The following FRMD4B variants were observed in gnomAD, a reference collection of about 807,000 sequenced individuals.
FRMD4B encodes FERM domain-containing protein 4B.
A neutral mutation model predicts 141.5 loss-of-function variants in FRMD4B; 74 were observed. The ratio of observed to expected loss-of-function variants is 0.52; its 90% CI spans 0.43 to 0.63. FRMD4B has a LOEUF of 0.63. Among genes scored for constraint, FRMD4B ranks in the 30% least tolerant of loss-of-function variants. The pLI, the probability that FRMD4B is intolerant of heterozygous loss-of-function variation, is 0.00. For missense variants in FRMD4B, 1,366 were observed against 1,253.4 expected (o/e 1.09, Z -1.36); for synonymous variants, 506 against 467.9 (o/e 1.08, Z -1.05).
intron 16 of FRMD4B, 21 bp downstream of exon 16, chr3:69,195,001 G>C (rs765057581): frequency 3.1e-6 from 5 of 1,606,650 alleles, no homozygotes; most frequent in Middle Eastern, 1.7e-4. Flanking sequence ...TAATTGAAAG[G>C]CTCAGAGGCG....
intron 19 of FRMD4B, among the ~76,000 whole-genome samples, chr3:69,187,135 C>T (rs2092776501): frequency 6.6e-6 from 1 of 152,106 alleles, no homozygotes; most frequent in Admixed American, 6.6e-5. Context: ...GACTATAAAA[C>T]TGAACTGTGG....
chr3:69,378,863 C>T (rs1704042028), intron 1 of FRMD4B, among the ~76,000 whole-genome samples: 1 of 152,010 alleles, frequency 6.6e-6, no homozygotes, highest in African/African-American at 2.4e-5. Context: ...ATGTTCCATG[C>T]CTGAAATACC....
intron 12 of FRMD4B, chr3:69,198,370 C>T: frequency 4.2e-6 from 1 of 236,574 alleles, no homozygotes. Context: ...ATCAAAACCA[C>T]AAGAAGGTAC....
chr3:69,411,631 C>T (rs923531001), intron 2 of FRMD4B, among the ~76,000 whole-genome samples: 1 of 152,206 alleles, frequency 6.6e-6, no homozygotes, highest in South Asian at 2.1e-4. Context: ...GTCTCCAGTT[C>T]CAAAGCTGAC....
At chr3:69,250,385 CTT>C (rs2093456466) in intron 5 of FRMD4B, 1 of 267,616 alleles carries the variant, frequency 3.7e-6, no homozygotes, top group Non-Finnish European at 7.1e-6. Context: ...ACGGGAATGA[CTT>C]TGAGGCTAAA....
chr3:69,322,764 C>A (rs1263264517), intron 1 of FRMD4B, among the ~76,000 whole-genome samples: 1 of 151,952 alleles, frequency 6.6e-6, no homozygotes, highest in Non-Finnish European at 1.5e-5. Context: ...ACCTGGCTAA[C>A]TTTTTCTATT....
Position 69,385,876 on chromosome 3 carries a change from A to G in FRMD4B, c.114T>C (p.Ala38=). The G allele has an allele frequency of 6.3e-7, 1 of 1,599,584 alleles. No individual in the cohort carries two copies. Among genetic ancestry groups the G allele is most frequent in the South Asian group, 1.1e-5 (1 of 87,800 alleles). Reference sequence around the variant, plus strand: ...ACCACGTCCGCAGCACCTGGTGGCAAGCCCGCAGCCTCTCCGTGTACCATC... The same window carrying G: ...ACCACGTCCGCAGCACCTGGTGGCAGGCCCGCAGCCTCTCCGTGTACCATC... The part of the protein sequence containing the change: ...LRRWYTERLR[A]CHQVLRTWCG... Residue 38 remains alanine (A), a synonymous_variant, in exon 1 of 23, where the codon GCT becomes GCC. Transcript: ENST00000398540.
At chr3:69,507,867 G>GT (rs1318162272) in intron 1 of FRMD4B, among the ~76,000 whole-genome samples, 1 of 151,956 alleles carries the variant, frequency 6.6e-6, no homozygotes, top group Admixed American at 6.6e-5. Flanking sequence ...TTTTTCAGAG[G>GT]TAAGAAAAAT....
intron 2 of FRMD4B, among the ~76,000 whole-genome samples, chr3:69,405,474 A>C (rs1704634425): frequency 6.7e-6 from 1 of 150,122 alleles, no homozygotes; most frequent in African/African-American, 2.5e-5. Context: ...GTGGTCTGGG[A>C]GGGTGGGTAC....
intron 1 of FRMD4B, chr3:69,535,977 C>T: frequency 5.2e-6 from 2 of 386,206 alleles, no homozygotes; most frequent in South Asian, 2.1e-5. Flanking sequence ...GCTCCTGCTG[C>T]CTCGGGCCTT....
At chr3:69,511,407 T>A (rs1706684856) in intron 1 of FRMD4B, among the ~76,000 whole-genome samples, 1 of 152,194 alleles carries the variant, frequency 6.6e-6, no homozygotes, top group South Asian at 2.1e-4. Flanking sequence ...AGTCCCTGCC[T>A]ACATGGAGCT....
At chr3:69,172,111 G>A in intron 22 of FRMD4B, 130 bp from the exon 23 acceptor site, 1 of 744,358 alleles carries the variant, frequency 1.3e-6, no homozygotes. Context: ...TAGAGATAAG[G>A]GAAAGGAGAA....
chr3:69,456,012 A>G (rs1450971413), intron 1 of FRMD4B, among the ~76,000 whole-genome samples: 1 of 152,190 alleles, frequency 6.6e-6, no homozygotes, highest in Non-Finnish European at 1.5e-5. Flanking sequence ...GATTATGCAC[A>G]TCAAGGACTT....
chr3:69,351,814 C>T (rs376283037), intron 1 of FRMD4B, among the ~76,000 whole-genome samples: 6 of 152,232 alleles, frequency 3.9e-5, no homozygotes, highest in Non-Finnish European at 8.8e-5. Context: ...TTAATCTCTT[C>T]AGTAACAGAA....
At chr3:69,378,717 C>T (rs1704037528) in intron 1 of FRMD4B, among the ~76,000 whole-genome samples, 1 of 152,028 alleles carries the variant, frequency 6.6e-6, no homozygotes, top group South Asian at 2.1e-4. Context: ...TCCCCATAAA[C>T]ATCAAAATTC....
chr3:69,233,370 G>A (rs1283138785), intron 7 of FRMD4B, among the ~76,000 whole-genome samples: 10 of 151,752 alleles, frequency 6.6e-5, no homozygotes, highest in Admixed American at 6.6e-4. Context: ...TGTAGTCCCA[G>A]GTACTTGGAA....
At chr3:69,479,736 G>T (rs1706082385) in intron 1 of FRMD4B, among the ~76,000 whole-genome samples, 1 of 152,124 alleles carries the variant, frequency 6.6e-6, no homozygotes, top group Non-Finnish European at 1.5e-5. Flanking sequence ...TGTATTTCCT[G>T]AATCTGAATG....
chr3:69,392,450 G>A (rs1704400382), intron 2 of FRMD4B, among the ~76,000 whole-genome samples: 1 of 152,164 alleles, frequency 6.6e-6, no homozygotes, highest in African/African-American at 2.4e-5. Flanking sequence ...GACAATGCTT[G>A]TGGCAAGAAG....
intron 1 of FRMD4B, among the ~76,000 whole-genome samples, chr3:69,371,139 A>AGG (rs1553731887): frequency 2.0e-5 from 3 of 152,148 alleles, no homozygotes; most frequent in Non-Finnish European, 4.4e-5. Context: ...GTGACATTTG[A>AGG]AGAGACCTAC....
Sources: allele counts gnomAD v4.1 joint callset (sites outside exome capture counted in the v4.1 genomes callset), GRCh38; gene constraint gnomAD v4.1.1; transcripts MANE v1.5; gene names NCBI Gene and HGNC (gene_info 2026-07-23, HGNC 2026-07-21).